LRRTM4: variants seen among roughly 807,000 people sequenced by gnomAD.
LRRTM4 encodes leucine rich repeat transmembrane neuronal 4.
A neutral mutation model predicts 47.6 loss-of-function variants in LRRTM4; 25 were observed. That is an observed-to-expected ratio of 0.53 (90% CI 0.38 to 0.73). The LOEUF is 0.73. LRRTM4 is among the 30% of genes least tolerant of loss of function. The probability of loss-of-function intolerance (pLI) is 0.00; values close to 1 mark genes in which losing one functional copy is unlikely to be tolerated. For synonymous variants in LRRTM4, 311 were observed against 269.5 expected (o/e 1.15, Z -1.51); for missense variants, 638 against 713.4 (o/e 0.89, Z 1.20).
At chr2:76,913,361 A>G (rs1674136904) in intron 3 of LRRTM4, among the ~76,000 whole-genome samples, 1 of 151,214 alleles carries the variant, frequency 6.6e-6, no homozygotes, top group Non-Finnish European at 1.5e-5. Context: ...TGTTTCTCTG[A>G]TTATTGCTGA....
chr2:76,926,770 C>A (rs1374529681), intron 3 of LRRTM4, among the ~76,000 whole-genome samples: 1 of 152,118 alleles, frequency 6.6e-6, no homozygotes, highest in African/African-American at 2.4e-5. Context: ...GCCTCCAGAA[C>A]TGTAAGCAAG....
chr2:77,239,771 T>G (rs1675206539), intron 3 of LRRTM4, among the ~76,000 whole-genome samples: 1 of 151,788 alleles, frequency 6.6e-6, no homozygotes, highest in Non-Finnish European at 1.5e-5. Flanking sequence ...AGAGGAAAAT[T>G]GATAGAATTG....
At chr2:77,220,156 G>A (rs1016353561) in intron 3 of LRRTM4, among the ~76,000 whole-genome samples, 1 of 152,160 alleles carries the variant, frequency 6.6e-6, no homozygotes, top group Non-Finnish European at 1.5e-5. Flanking sequence ...CTGACTGTTA[G>A]AAGGAAAACT....
rs147318492 is a variant in LRRTM4 at position 77,298,094 on chromosome 2, A to C, written c.1551+220224T>G. Among the ~76,000 whole-genome samples the C allele has an allele frequency of 7.2e-5, 11 of 152,328 alleles. No homozygotes were observed. The East Asian group carries it at 2.1e-3, about 29-fold the overall frequency. ...TTCTGCCTCTCACTTATCCAAGATC[A>C]AGAGACGAATGGATTAATCAGTCAG... On this transcript the variant is annotated intron_variant, in intron 3 of 3. Transcript: ENST00000409884.
At position 77,365,628 on chromosome 2, in the gene LRRTM4, AT is replaced by A. The variant is rs527356329; in HGVS notation, c.1551+152689del. ...CTGTTAATATATGCAAATAAAATAT[AT>A]TTTATACATGCAGTTAATGGTTATG... On this transcript the variant is annotated intron_variant, in intron 3 of 3. Transcript: ENST00000409884. Among the ~76,000 whole-genome samples, 347 of 151,866 alleles carry A rather than the reference AT, an allele frequency of 2.3e-3. 1 individual carries two copies. Among genetic ancestry groups the A allele is most frequent in the African/African-American group, 8.1e-3 (337 of 41,526 alleles).
intron 3 of LRRTM4, among the ~76,000 whole-genome samples, chr2:77,013,322 G>A (rs1289543019): frequency 6.6e-6 from 1 of 152,114 alleles, no homozygotes; most frequent in African/African-American, 2.4e-5. Context: ...GCAAAGGCAG[G>A]GACGGAGAAA....
intron 3 of LRRTM4, among the ~76,000 whole-genome samples, chr2:77,218,893 G>A (rs1321688506): frequency 1.3e-5 from 2 of 152,096 alleles, no homozygotes; most frequent in East Asian, 3.9e-4. Flanking sequence ...AAAAAAGATT[G>A]GGTCTCAGCC....
rs950914840 is a variant in LRRTM4, at chr2:76,879,145, C to A, written c.1552-130229G>T. Among the ~76,000 whole-genome samples the A allele has an allele frequency of 7.9e-5, 12 of 152,320 alleles. No homozygotes were observed. The East Asian group carries it at 1.7e-3, about 22-fold the overall frequency. On this transcript the variant is annotated intron_variant, in intron 3 of 3. Transcript: ENST00000409884. ...CTCTGCAGAAAGTTACACATAAGAT[C>A]TAGCTAAGATCATTAGTGAAACTGG...
chr2:77,435,288 T>C (rs1240430561), intron 3 of LRRTM4, among the ~76,000 whole-genome samples: 2 of 152,196 alleles, frequency 1.3e-5, no homozygotes, highest in Admixed American at 6.5e-5. Context: ...TCATAACTGA[T>C]GTTGAAGACT....
In LRRTM4 at chr2:77,406,624, T is replaced by C. The variant is rs1276265288; in HGVS notation, c.1551+111694A>G. 2.0e-5 allele frequency among the ~76,000 whole-genome samples: 3 copies of C among 152,044 alleles called. No homozygotes were observed. In the South Asian group the frequency reaches 6.2e-4, roughly 32 times the overall value. ...TCTGACATGCTCTCTTTTAGTAATA[T>C]TAAAGTTAGTGGAATGAAAATCATT... On this transcript the variant is annotated intron_variant, in intron 3 of 3. Transcript: ENST00000409884.
rs116303666 is a variant in LRRTM4, at chr2:77,238,082, C to T, written c.1551+280236G>A. On this transcript the variant is annotated intron_variant, in intron 3 of 3. Coordinates refer to ENST00000409884, the MANE Select transcript of LRRTM4 (RefSeq NM_001134745.3). Reference sequence around the variant, plus strand: ...TCTGAACATCTAATAAACATGATAACCATAGTTAATTAAATGGCATTATAT... The same window carrying T: ...TCTGAACATCTAATAAACATGATAATCATAGTTAATTAAATGGCATTATAT... Among the ~76,000 whole-genome samples, 966 of 151,960 alleles carry T rather than the reference C, an allele frequency of 6.4e-3. 6 individuals carry two copies. The highest frequency in any genetic ancestry group is 9.9e-3 in the Non-Finnish European group (675 of 67,958).
intron 3 of LRRTM4, among the ~76,000 whole-genome samples, chr2:77,453,274 T>C (rs985911973): frequency 3.4e-5 from 5 of 148,916 alleles, no homozygotes; most frequent in African/African-American, 9.9e-5. Flanking sequence ...CTCCGCCTCC[T>C]GGGTTCACGC....
chr2:76,884,698 A>G (rs1445676432), intron 3 of LRRTM4, among the ~76,000 whole-genome samples: 1 of 152,174 alleles, frequency 6.6e-6, no homozygotes, highest in Non-Finnish European at 1.5e-5. Context: ...AACCAGTACA[A>G]TCTTTCTGTT....
chr2:77,066,975 G>T (rs1013295114), intron 3 of LRRTM4, among the ~76,000 whole-genome samples: 1 of 152,176 alleles, frequency 6.6e-6, no homozygotes, highest in East Asian at 1.9e-4. Context: ...CCCCATGGGG[G>T]AAGTGCCAAA....
At chr2:76,850,877 A>G (rs1671972743) in intron 3 of LRRTM4, among the ~76,000 whole-genome samples, 1 of 152,246 alleles carries the variant, frequency 6.6e-6, no homozygotes, top group Admixed American at 6.5e-5. Flanking sequence ...TTAGAAATGG[A>G]TCAAATATCC....
chr2:77,255,775 C>T (rs544360889), intron 3 of LRRTM4, among the ~76,000 whole-genome samples: 14 of 151,850 alleles, frequency 9.2e-5, no homozygotes, highest in South Asian at 6.2e-4. Flanking sequence ...CAAGCAATGA[C>T]GAAAGATAAA....
chr2:76,837,398 T>A (rs1671546064), intron 3 of LRRTM4, among the ~76,000 whole-genome samples: 1 of 152,080 alleles, frequency 6.6e-6, no homozygotes, highest in African/African-American at 2.4e-5. Context: ...GCTCTGATCT[T>A]AGTTATTTCT....
At chr2:77,213,969 GA>G (rs200629779) in intron 3 of LRRTM4, among the ~76,000 whole-genome samples, 12 of 145,470 alleles carry the variant, frequency 8.2e-5, no homozygotes, top group East Asian at 4.1e-4. Flanking sequence ...ACAAACAAAA[GA>G]AAAAAAAAAC....
chr2:77,174,453 A>G (rs546923751), intron 3 of LRRTM4, among the ~76,000 whole-genome samples: 6 of 152,250 alleles, frequency 3.9e-5, no homozygotes, highest in African/African-American at 1.4e-4. Flanking sequence ...CTCCTGTTCT[A>G]CCAAGGCTTT....
Sources: gnomAD v4.1 joint callset for allele counts (sites outside exome capture counted in the v4.1 genomes callset) on GRCh38, gnomAD v4.1.1 for gene constraint, MANE v1.5 for transcripts, NCBI Gene and HGNC (gene_info 2026-07-23, HGNC 2026-07-21) for gene names.